Variants in DAO observed in about 807,000 individuals in gnomAD.
The protein encoded by DAO is D-amino-acid oxidase.
DAO carries 51 observed loss-of-function variants against 50.1 expected under a neutral mutation model. The observed-to-expected ratio is 1.02, with a 90% CI of 0.81 to 1.29. The LOEUF (loss-of-function observed/expected upper bound fraction) is 1.29, where lower values mean the gene tolerates loss of function less well. DAO is among the 50% of genes most tolerant of loss of function. The pLI is 0.00. For missense variants in DAO, 436 were observed against 439.4 expected (o/e 0.99, Z 0.07); for synonymous variants, 160 against 166.2 (o/e 0.96, Z 0.29).
chr12:108,885,722 A>G (rs536848803), intron 2 of DAO, among the ~76,000 whole-genome samples: 1 of 152,182 alleles, frequency 6.6e-6, no homozygotes, highest in African/African-American at 2.4e-5. Context: ...ATGATTGGTG[A>G]ATCTGGAAAA....
chr12:108,887,350 C>T (rs1187129981), intron 2 of DAO, 100 bp from the exon 3 acceptor site: 3 of 869,846 alleles, frequency 3.4e-6, no homozygotes, highest in African/African-American at 1.7e-5. Flanking sequence ...TTTGGACACA[C>T]CCCAAGCTCC....
In DAO at chr12:108,897,084, C is replaced by G; in HGVS notation, c.691C>G (p.Pro231Ala). The change falls in exon 8 of 11, where the codon CCA (proline) becomes GCA (alanine). Residue 231 changes from proline to alanine, a missense_variant. Physicochemically the swap from Pro to Ala is conservative, Grantham distance 27. Transcript: ENST00000228476. ...CATCTACAATTCCCCGTACATCATC[C>G]CAGGGTAAAATTGGACTGTTCTCGG... is the stretch of plus-strand genomic sequence containing the variant. The part of the protein sequence containing the change: ...RGIYNSPYII[P>A]GTQTVTLGGI... The G allele has an allele frequency of 6.2e-7, 1 of 1,612,502 alleles. No homozygotes were observed. Among genetic ancestry groups the G allele is most frequent in the Non-Finnish European group, 8.5e-7 (1 of 1,178,580 alleles).
intron 5 of DAO, 68 bp from the exon 6 acceptor site, chr12:108,892,914 G>C: frequency 6.9e-7 from 1 of 1,450,202 alleles, no homozygotes; most frequent in Non-Finnish European, 9.7e-7. Context: ...AGGTCCCTGT[G>C]CCACCCTCTT....
intron 4 of DAO, among the ~76,000 whole-genome samples, chr12:108,889,827 A>G (rs3741775): frequency 6.6e-6 from 1 of 151,828 alleles, no homozygotes; most frequent in Non-Finnish European, 1.5e-5. Flanking sequence ...AGGCTAAGTG[A>G]CTTCCTAAGG....
chr12:108,882,205 C>T (rs1478124632), intron 1 of DAO, among the ~76,000 whole-genome samples: 1 of 152,130 alleles, frequency 6.6e-6, no homozygotes, highest in Non-Finnish European at 1.5e-5. Context: ...GGAGCTTTGT[C>T]AGCTCTCATA....
chr12:108,886,278 C>T (rs1027142161), intron 2 of DAO, among the ~76,000 whole-genome samples: 9 of 152,200 alleles, frequency 5.9e-5, no homozygotes, highest in African/African-American at 2.2e-4. Context: ...CCCTCCTTGG[C>T]CTCCCAAAGT....
rs992050044 is a variant in DAO at position 108,885,070 on chromosome 12, C to T, written c.64C>T (p.Arg22Cys). The change falls in exon 2 of 11, where the codon CGC becomes TGC. Residue 22 changes from arginine (R) to cysteine (C), a missense_variant. Coordinates refer to ENST00000228476, the MANE Select transcript of DAO (RefSeq NM_001917.5). ...GLSTALCIHE[R>C]YHSVLQPLDI... ...GTCCACCGCCCTCTGCATCCATGAG[C>T]GCTACCACTCAGTCCTGCAGCCACT... The T allele has an allele frequency of 9.3e-6, 15 of 1,614,016 alleles. No individual in the cohort carries two copies. Among genetic ancestry groups the T allele is most frequent in the African/African-American group, 8.0e-5 (6 of 74,908 alleles).
Position 108,899,485 on chromosome 12 carries a change from C to A in DAO, c.912+10C>A. 6.2e-7 allele frequency: 1 copy of A among 1,609,998 alleles called. No homozygotes were observed. The highest frequency in any genetic ancestry group is 2.2e-5 in the East Asian group (1 of 44,730). ...ACCTTCAAACACAGAGGTATGCTCCCATGGCAAGGAAAGTAATGCCCTCTT... is the reference window on the plus strand; with the variant it reads ...ACCTTCAAACACAGAGGTATGCTCCAATGGCAAGGAAAGTAATGCCCTCTT... On this transcript the variant is annotated intron_variant, in intron 10 of 10. Coordinates refer to ENST00000228476, the MANE Select transcript of DAO (RefSeq NM_001917.5).
Position 108,897,008 on chromosome 12 carries a change from G to A in DAO, c.615G>A (p.Val205=). The change falls in exon 8 of 11, where the codon GTG becomes GTA. Residue 205 remains valine, a splice_region_variant and synonymous_variant. Transcript: ENST00000228476. ...LQPGRGQIMK[V]DAPWMKHFIL... ...ACTTTCCTGCCCTGAATCAACAGGT[G>A]GACGCCCCTTGGATGAAGCACTTCA... 3 of 1,613,308 alleles carry A rather than the reference G, an allele frequency of 1.9e-6. No homozygotes were observed. Among genetic ancestry groups the A allele is most frequent in the Non-Finnish European group, 2.5e-6 (3 of 1,179,332 alleles).
intron 5 of DAO, among the ~76,000 whole-genome samples, chr12:108,892,748 C>G (rs2039505700): frequency 6.6e-6 from 1 of 152,194 alleles, no homozygotes; most frequent in Non-Finnish European, 1.5e-5. Context: ...TCCCCCACTC[C>G]ATCTGCCCAA....
intron 5 of DAO, among the ~76,000 whole-genome samples, chr12:108,891,080 C>T (rs1016672021): frequency 6.6e-6 from 1 of 152,162 alleles, no homozygotes; most frequent in African/African-American, 2.4e-5. Context: ...CTCGGCCTCC[C>T]AAAATGCTGG....
intron 1 of DAO, among the ~76,000 whole-genome samples, chr12:108,883,374 C>T (rs2039401669): frequency 6.6e-6 from 1 of 152,214 alleles, no homozygotes; most frequent in African/African-American, 2.4e-5. Context: ...TCTTGAAGTC[C>T]TGACCTCGTG....
At position 108,894,353 on chromosome 12, in the gene DAO, G is replaced by A. The variant is rs761787902; in HGVS notation, c.598G>A (p.Gly200Arg). 1 of 1,613,556 alleles carries A rather than the reference G, an allele frequency of 6.2e-7. No individual in the cohort carries two copies. The highest frequency in any genetic ancestry group is 1.3e-5 in the African/African-American group (1 of 74,864). The change falls in exon 7 of 11, where the codon GGG (glycine) becomes AGG (arginine). Residue 200 changes from glycine (G) to arginine (R), a missense_variant. Coordinates refer to ENST00000228476, the MANE Select transcript of DAO (RefSeq NM_001917.5). ...QRDPLLQPGR[G>R]QIMKVDAPWM... ...AGACCCCCTGCTGCAGCCAGGCCGG[G>A]GGCAGATCATGAAGGTGAGTGTGAG...
At position 108,899,419 on chromosome 12, in the gene DAO, C is replaced by T. The variant is rs768403852; in HGVS notation, c.856C>T (p.Arg286Cys). 38 of 1,613,694 alleles carry T rather than the reference C, an allele frequency of 2.4e-5. No individual in the cohort carries two copies. Among genetic ancestry groups the T allele is most frequent in the Admixed American group, 1.0e-4 (6 of 59,946 alleles). The change falls in exon 10 of 11, where the codon CGC becomes TGC. Residue 286 changes from arginine to cysteine, a missense_variant. Physicochemically the swap from Arg to Cys is radical, Grantham distance 180. Transcript: ENST00000228476. The stretch of plus-strand genomic sequence containing the variant: ...TGAACGAACTGGCTTCCGGCCAGTA[C>T]GCCCCCAGATTCGGCTAGAAAGAGA... ...IGERTGFRPV[R>C]PQIRLEREQL...
chr12:108,889,958 C>A (rs1198578077), intron 4 of DAO, among the ~76,000 whole-genome samples: 1 of 152,158 alleles, frequency 6.6e-6, no homozygotes, highest in African/African-American at 2.4e-5. Flanking sequence ...CCACACCACA[C>A]CTGAATCCCC....
intron 1 of DAO, 73 bp from the exon 2 acceptor site, chr12:108,884,925 G>T: frequency 7.0e-7 from 1 of 1,420,084 alleles, no homozygotes; most frequent in Non-Finnish European, 1.0e-6. Flanking sequence ...GCCTTCAGTG[G>T]ATGGTGGCAA....
chr12:108,900,046 G>A (rs912243145), intron 10 of DAO: 3 of 339,852 alleles, frequency 8.8e-6, no homozygotes, highest in African/African-American at 6.4e-5. Context: ...AATCTCCTCT[G>A]GAGCTCTTTG....
intron 7 of DAO, among the ~76,000 whole-genome samples, chr12:108,895,666 G>A (rs2039545652): frequency 6.7e-6 from 1 of 149,332 alleles, no homozygotes; most frequent in African/African-American, 2.5e-5. Flanking sequence ...GTGTGAGGGT[G>A]TGTGCATGTA....
intron 1 of DAO, among the ~76,000 whole-genome samples, chr12:108,882,505 C>A (rs886113701): frequency 6.6e-5 from 10 of 152,038 alleles, no homozygotes; most frequent in Admixed American, 2.0e-4. Flanking sequence ...AAGAGTGAAA[C>A]TCTGTCTCGA....
Sources: gnomAD v4.1 joint callset for allele counts (sites outside exome capture counted in the v4.1 genomes callset) on GRCh38, gnomAD v4.1.1 for gene constraint, MANE v1.5 for transcripts, NCBI Gene and HGNC (gene_info 2026-07-23, HGNC 2026-07-21) for gene names.